The following MINPP1 variants were observed in gnomAD, a reference collection of about 807,000 sequenced individuals.
MINPP1 encodes multiple inositol polyphosphate phosphatase 1.
MINPP1 carries 28 observed loss-of-function variants against 46.1 expected under a neutral mutation model. The observed-to-expected ratio is 0.61, with a 90% CI of 0.45 to 0.83. The LOEUF is 0.83. Among genes scored for constraint, MINPP1 ranks in the 40% least tolerant of loss-of-function variants. The pLI is 0.00. For missense variants in MINPP1, 603 were observed against 610.0 expected, an observed-to-expected ratio of 0.99 and a Z score of 0.12; for synonymous variants, 268 against 249.1, an observed-to-expected ratio of 1.08 and a Z score of -0.72.
chr10:87,537,681 C>T (rs1036075160), intron 4 of MINPP1, among the ~76,000 whole-genome samples: 2 of 151,820 alleles, frequency 1.3e-5, no homozygotes, highest in Admixed American at 6.6e-5. Context: ...GGCATTTCAC[C>T]CTGAGTATTT....
chr10:87,510,077 A>G (rs1470166794), intron 2 of MINPP1, among the ~76,000 whole-genome samples: 1 of 152,180 alleles, frequency 6.6e-6, no homozygotes, highest in Non-Finnish European at 1.5e-5. Flanking sequence ...TTGAATAACT[A>G]TGATTTTTGA....
chr10:87,525,662 C>T (rs560917690), intron 4 of MINPP1, among the ~76,000 whole-genome samples: 4 of 152,088 alleles, frequency 2.6e-5, no homozygotes, highest in Admixed American at 6.5e-5. Flanking sequence ...TCGTCATTTA[C>T]GTTAGGTATA....
chr10:87,511,627 C>A (rs1345616659), intron 2 of MINPP1, among the ~76,000 whole-genome samples: 2 of 152,154 alleles, frequency 1.3e-5, no homozygotes, highest in Non-Finnish European at 2.9e-5. Flanking sequence ...CTAAAGAGAG[C>A]TTACCCAGGA....
intron 4 of MINPP1, among the ~76,000 whole-genome samples, chr10:87,540,096 C>T (rs1031518125): frequency 6.6e-5 from 10 of 152,168 alleles, no homozygotes; most frequent in Non-Finnish European, 1.5e-4. Context: ...TCTCAAACTC[C>T]TGGGCTCAAG....
intron 4 of MINPP1, among the ~76,000 whole-genome samples, chr10:87,524,919 A>C (rs1851553200): frequency 6.6e-6 from 1 of 152,194 alleles, no homozygotes; most frequent in Non-Finnish European, 1.5e-5. Context: ...AATCATAGTA[A>C]TAATTAAAAA....
intron 3 of MINPP1, among the ~76,000 whole-genome samples, chr10:87,520,535 T>C (rs1851485540): frequency 6.6e-6 from 1 of 152,186 alleles, no homozygotes; most frequent in Admixed American, 6.5e-5. Flanking sequence ...CCAAAGTAAC[T>C]CATTTTCTAT....
At chr10:87,544,328 C>T (rs7917301) in intron 4 of MINPP1, among the ~76,000 whole-genome samples, 2,552 of 152,274 alleles carry the variant, frequency 0.017, 84 homozygotes, top group African/African-American at 0.057. Flanking sequence ...AGGGCCACAC[C>T]GCCCTCCAGG....
chr10:87,539,125 C>T (rs1040322360), intron 4 of MINPP1, among the ~76,000 whole-genome samples: 5 of 152,268 alleles, frequency 3.3e-5, no homozygotes, highest in Non-Finnish European at 4.4e-5. Context: ...ACCATTTTCA[C>T]GCTGTTATTC....
chr10:87,534,042 ATTTTTTTTTTTT>A (rs58579107), intron 4 of MINPP1, among the ~76,000 whole-genome samples: 3 of 55,416 alleles, frequency 5.4e-5, no homozygotes, highest in South Asian at 8.7e-4. Context: ...CTGGCTAAAT[ATTTTTTTTTTTT>A]TTTTTTTTTT....
intron 2 of MINPP1, among the ~76,000 whole-genome samples, chr10:87,511,510 G>A (rs1851334504): frequency 6.6e-6 from 1 of 152,084 alleles, no homozygotes; most frequent in Non-Finnish European, 1.5e-5. Context: ...TTGAGGTTCT[G>A]AAAGATTGAC....
At chr10:87,521,246 T>A in intron 4 of MINPP1, 77 bp downstream of exon 4, 1 of 1,177,250 alleles carries the variant, frequency 8.5e-7, no homozygotes, top group Admixed American at 1.9e-5. Context: ...TAATGAGTAA[T>A]TTTAAAAAAT....
chr10:87,504,969 C>T lies in MINPP1; in HGVS notation c.54C>T (p.Ala18=). 1.2e-6 allele frequency: 2 copies of T among 1,612,082 alleles called. No homozygotes were observed. Among genetic ancestry groups the T allele is most frequent in the Non-Finnish European group, 1.7e-6 (2 of 1,179,556 alleles). Residue 18 remains alanine (A), a synonymous_variant, in exon 1 of 5, where the codon GCC becomes GCT. Coordinates refer to ENST00000371996, the MANE Select transcript of MINPP1 (RefSeq NM_004897.5). ...LLRTSVAPAA[A]LAAALLSSLA... ...GGACCTCCGTAGCGCCTGCCGCGGC[C>T]CTGGCTGCGGCGCTGCTCTCGTCGC... is the stretch of plus-strand genomic sequence containing the variant.
At chr10:87,509,323 A>G (rs1851301107) in intron 2 of MINPP1, among the ~76,000 whole-genome samples, 1 of 152,206 alleles carries the variant, frequency 6.6e-6, no homozygotes, top group Non-Finnish European at 1.5e-5. Context: ...ATAGATTAGA[A>G]TTTATCAGTC....
intron 4 of MINPP1, among the ~76,000 whole-genome samples, chr10:87,544,496 G>A (rs1409049771): frequency 6.6e-6 from 1 of 152,108 alleles, no homozygotes; most frequent in Non-Finnish European, 1.5e-5. Context: ...TTGAGGGATG[G>A]GCTTGAAAAT....
At chr10:87,522,105 G>A (rs1334826865) in intron 4 of MINPP1, among the ~76,000 whole-genome samples, 1 of 152,036 alleles carries the variant, frequency 6.6e-6, no homozygotes, top group Non-Finnish European at 1.5e-5. Flanking sequence ...TGAATTTCAT[G>A]GTAGTTATGC....
chr10:87,513,874 G>A (rs1454641868), intron 3 of MINPP1, among the ~76,000 whole-genome samples: 2 of 152,046 alleles, frequency 1.3e-5, no homozygotes, highest in Non-Finnish European at 2.9e-5. Flanking sequence ...TATCAATAGA[G>A]CCGTATACAA....
At chr10:87,526,485 T>C (rs904812683) in intron 4 of MINPP1, among the ~76,000 whole-genome samples, 2 of 152,202 alleles carry the variant, frequency 1.3e-5, no homozygotes, top group Non-Finnish European at 2.9e-5. Context: ...TTTTCTCCCA[T>C]TCTGTAGGTT....
intron 4 of MINPP1, among the ~76,000 whole-genome samples, chr10:87,539,752 T>G (rs1851786837): frequency 6.6e-6 from 1 of 152,220 alleles, no homozygotes; most frequent in South Asian, 2.1e-4. Context: ...TTCCATTTTC[T>G]TAGATTCTCA....
intron 4 of MINPP1, among the ~76,000 whole-genome samples, chr10:87,549,032 A>G (rs1353363351): frequency 1.3e-5 from 2 of 152,320 alleles, no homozygotes; most frequent in Non-Finnish European, 1.5e-5. Flanking sequence ...GTGAGAATCT[A>G]ATATATAAAC....
Sources: allele counts gnomAD v4.1 joint callset (sites outside exome capture counted in the v4.1 genomes callset), GRCh38; gene constraint gnomAD v4.1.1; transcripts MANE v1.5; gene names NCBI Gene and HGNC (gene_info 2026-07-23, HGNC 2026-07-21).